Variants in GALNT2 observed in about 807,000 individuals in gnomAD.
GALNT2 encodes the protein polypeptide N-acetylgalactosaminyltransferase 2, also known as UDP-GalNAc:polypeptide N-acetylgalactosaminyltransferase 2.
GALNT2 carries 31 observed loss-of-function variants against 81.4 expected under a neutral mutation model. The ratio of observed to expected loss-of-function variants is 0.38; its 90% CI spans 0.29 to 0.51. The LOEUF is 0.51. Among genes scored for constraint, GALNT2 ranks in the 20% least tolerant of loss-of-function variants. GALNT2 has a pLI of 0.87. For missense variants in GALNT2, 629 were observed against 765.7 expected (o/e 0.82, Z 2.11); for synonymous variants, 303 against 287.4 (o/e 1.05, Z -0.55).
chr1:230,133,959 C>T (rs1223121244), intron 1 of GALNT2, among the ~76,000 whole-genome samples: 4 of 152,008 alleles, frequency 2.6e-5, no homozygotes, highest in Non-Finnish European at 5.9e-5. Context: ...GTTAAATTCT[C>T]ATCCTTTTGC....
At chr1:230,078,418 G>A (rs1215573431) in intron 1 of GALNT2, among the ~76,000 whole-genome samples, 1 of 152,176 alleles carries the variant, frequency 6.6e-6, no homozygotes, top group Non-Finnish European at 1.5e-5. Flanking sequence ...CATGTATGCA[G>A]CATAAATTAA....
intron 1 of GALNT2, among the ~76,000 whole-genome samples, chr1:230,099,360 G>C (rs1447184199): frequency 6.6e-6 from 1 of 152,162 alleles, no homozygotes; most frequent in Admixed American, 6.5e-5. Context: ...AGCATGCCAT[G>C]GTCAGATGTC....
chr1:230,061,257 T>C (rs1309907543), intron 1 of GALNT2, among the ~76,000 whole-genome samples: 1 of 152,052 alleles, frequency 6.6e-6, no homozygotes, highest in East Asian at 1.9e-4. Flanking sequence ...TACCGCTATC[T>C]CTAATTACAA....
At chr1:230,256,431 G>T (rs968509101) in intron 11 of GALNT2, among the ~76,000 whole-genome samples, 1 of 143,548 alleles carries the variant, frequency 7.0e-6, no homozygotes, top group East Asian at 2.1e-4. Flanking sequence ...GGGCAACAGA[G>T]CGAGACTCTG....
At chr1:230,249,820 G>A (rs868811354) in intron 9 of GALNT2, among the ~76,000 whole-genome samples, 8 of 152,210 alleles carry the variant, frequency 5.3e-5, no homozygotes, top group South Asian at 4.1e-4. Context: ...AGTACTTAGC[G>A]CTGAAATATA....
At chr1:230,115,507 T>C (rs1026685476) in intron 1 of GALNT2, among the ~76,000 whole-genome samples, 4 of 152,246 alleles carry the variant, frequency 2.6e-5, no homozygotes, top group Non-Finnish European at 5.9e-5. Flanking sequence ...GTACGGATCT[T>C]AATTTTAAAA....
chr1:230,252,840 C>CTT (rs1572140794), intron 10 of GALNT2, among the ~76,000 whole-genome samples: 3 of 80,534 alleles, frequency 3.7e-5, no homozygotes, highest in Middle Eastern at 7.2e-3. Context: ...ATAGAGACAA[C>CTT]TTCTTTTTTT....
At chr1:230,112,392 G>C (rs75632149) in intron 1 of GALNT2, among the ~76,000 whole-genome samples, 1 of 143,102 alleles carries the variant, frequency 7.0e-6, no homozygotes, top group South Asian at 2.4e-4. Context: ...GAGGGGGGGG[G>C]CCTGCATTTA....
chr1:230,093,810 C>T (rs897505800), intron 1 of GALNT2, among the ~76,000 whole-genome samples: 1 of 152,152 alleles, frequency 6.6e-6, no homozygotes, highest in Non-Finnish European at 1.5e-5. Context: ...GGTTTGCAGC[C>T]TAGGTGTGTA....
chr1:230,087,516 G>C (rs1025246008), intron 1 of GALNT2, among the ~76,000 whole-genome samples: 9 of 152,204 alleles, frequency 5.9e-5, no homozygotes, highest in African/African-American at 1.7e-4. Context: ...CAATCTGGCT[G>C]TACGTTAGGA....
intron 1 of GALNT2, among the ~76,000 whole-genome samples, chr1:230,135,820 G>A (rs61578524): frequency 0.14 from 20,995 of 151,848 alleles, 1,507 homozygotes; most frequent in South Asian, 0.23. Context: ...TAAGTAGCTG[G>A]GACTACAGGT....
chr1:230,093,586 G>A (rs897771811), intron 1 of GALNT2, among the ~76,000 whole-genome samples: 7 of 152,248 alleles, frequency 4.6e-5, no homozygotes, highest in African/African-American at 1.7e-4. Context: ...CATAAGTGCT[G>A]TGAATCCACC....
chr1:230,269,347 G>A (rs1054154332), intron 14 of GALNT2, among the ~76,000 whole-genome samples: 3 of 151,796 alleles, frequency 2.0e-5, no homozygotes, highest in African/African-American at 7.3e-5. Flanking sequence ...CACCACACCC[G>A]GCTAATTTTT....
chr1:230,178,347 G>A (rs749142671), intron 2 of GALNT2, 36 bp downstream of exon 2: 1 of 1,516,302 alleles, frequency 6.6e-7, no homozygotes, highest in Non-Finnish European at 9.1e-7. Context: ...CTTGCTTTGA[G>A]CACGTGATTG....
intron 3 of GALNT2, among the ~76,000 whole-genome samples, chr1:230,212,043 C>T (rs1664249964): frequency 6.6e-6 from 1 of 152,146 alleles, no homozygotes; most frequent in Admixed American, 6.5e-5. Context: ...CCTCATAAGG[C>T]ACCACCTTGT....
In GALNT2 at chr1:230,248,549, A is replaced by G. The variant is rs558002011; in HGVS notation, c.818-635A>G. Reference sequence around the variant, plus strand: ...CCGGGTACAGGGTCTAGGCTCTTCTATCCTCAGGGGTCTGTGGATTCCAAA... The same window carrying G: ...CCGGGTACAGGGTCTAGGCTCTTCTGTCCTCAGGGGTCTGTGGATTCCAAA... On this transcript the variant is annotated intron_variant, in intron 8 of 15. Transcript: ENST00000366672. Among the ~76,000 whole-genome samples the G allele has an allele frequency of 3.9e-4, 60 of 152,330 alleles. 2 individuals carry two copies. The South Asian group carries it at 0.012, about 32-fold the overall frequency.
At chr1:230,140,612 G>A (rs549458747) in intron 1 of GALNT2, among the ~76,000 whole-genome samples, 2 of 152,334 alleles carry the variant, frequency 1.3e-5, no homozygotes, top group Admixed American at 6.5e-5. Context: ...GGAGTGACGC[G>A]CTGCCACAGC....
At chr1:230,245,155 A>ATT (rs112585695) in intron 7 of GALNT2, among the ~76,000 whole-genome samples, 5 of 146,858 alleles carry the variant, frequency 3.4e-5, no homozygotes, top group African/African-American at 7.4e-5. Flanking sequence ...ATCTAGGGGG[A>ATT]TTTTTTTTTT....
At position 230,256,584 on chromosome 1, in the gene GALNT2, A is replaced by G. The variant is rs541807061; in HGVS notation, c.1136+1240A>G. Among the ~76,000 whole-genome samples, 14 of 152,348 alleles carry G rather than the reference A, an allele frequency of 9.2e-5. No individual in the cohort carries two copies. The South Asian group carries it at 2.9e-3, about 32-fold the overall frequency. ...GTACTAATTGTGTATACCACAAGAC[A>G]TCGTGACACAGAGTCACGATTCTTG... is the stretch of plus-strand genomic sequence containing the variant. On this transcript the variant is annotated intron_variant, in intron 11 of 15. Transcript: ENST00000366672.
Sources: gnomAD v4.1 joint callset for allele counts (sites outside exome capture counted in the v4.1 genomes callset) on GRCh38, gnomAD v4.1.1 for gene constraint, MANE v1.5 for transcripts, NCBI Gene and HGNC (gene_info 2026-07-23, HGNC 2026-07-21) for gene names.